NLGN1: variants seen among roughly 807,000 people sequenced by gnomAD.
The protein encoded by NLGN1 is neuroligin-1.
Under a neutral mutation model 65.5 loss-of-function variants are expected in NLGN1, and 12 were observed. The observed-to-expected ratio is 0.18, with a 90% CI of 0.12 to 0.30. The LOEUF (loss-of-function observed/expected upper bound fraction) is 0.30, where lower values mean the gene tolerates loss of function less well. Ranked by LOEUF, NLGN1 falls within the 10% of genes least tolerant of loss-of-function variation. The pLI is 1.00. For missense variants in NLGN1, 750 were observed against 1,007.1 expected (o/e 0.74, Z 3.46); for synonymous variants, 350 against 359.5 (o/e 0.97, Z 0.30).
At chr3:174,004,358 T>C (rs1233610314) in intron 4 of NLGN1, among the ~76,000 whole-genome samples, 2 of 152,194 alleles carry the variant, frequency 1.3e-5, no homozygotes, top group Non-Finnish European at 2.9e-5. Context: ...AGTTATCCGT[T>C]GTGTAGATTT....
intron 4 of NLGN1, among the ~76,000 whole-genome samples, chr3:173,845,706 G>A (rs913708291): frequency 6.6e-6 from 1 of 152,210 alleles, no homozygotes; most frequent in Admixed American, 6.5e-5. Context: ...GTTAAAGCTG[G>A]TAGGTTCTTA....
In NLGN1 at chr3:173,923,528, G is replaced by A. The variant is rs117064968; in HGVS notation, c.646+115696G>A. On this transcript the variant is annotated intron_variant, in intron 4 of 6. Coordinates refer to ENST00000457714, the Ensembl canonical transcript of NLGN1. ...TCTCTTCCTATAGTTTACTGATCCT[G>A]TGATTTAAAAATTGCTGGTGTGGGT... Among the ~76,000 whole-genome samples, 145 of 152,180 alleles carry A rather than the reference G, an allele frequency of 9.5e-4. 2 individuals carry two copies. In the East Asian group the frequency reaches 0.024, roughly 26 times the overall value.
rs186466304 is a variant in NLGN1, at chr3:173,401,284, G to A, written c.-390+2797G>A. On this transcript the variant is annotated intron_variant, in intron 1 of 6. Coordinates refer to ENST00000457714, the Ensembl canonical transcript of NLGN1. ...TCCAGACATTGCCAAATGTCTCTAA[G>A]AGGTCAGATTGTCCCAGGCTCAGAA... Among the ~76,000 whole-genome samples the A allele has an allele frequency of 6.1e-5, 9 of 146,650 alleles. No homozygotes were observed. In the East Asian group the frequency reaches 1.8e-3, roughly 30 times the overall value.
At chr3:173,436,715 A>G (rs1718206628) in intron 2 of NLGN1, among the ~76,000 whole-genome samples, 1 of 152,196 alleles carries the variant, frequency 6.6e-6, no homozygotes. Flanking sequence ...TTAAAAATCC[A>G]ACAAATGCAA....
intron 2 of NLGN1, among the ~76,000 whole-genome samples, chr3:173,489,190 T>A (rs977511394): frequency 6.6e-6 from 1 of 152,048 alleles, no homozygotes; most frequent in Non-Finnish European, 1.5e-5. Flanking sequence ...ACCAATTAAC[T>A]CATCATTTAC....
At chr3:173,970,147 A>T (rs1715875740) in intron 4 of NLGN1, among the ~76,000 whole-genome samples, 1 of 152,130 alleles carries the variant, frequency 6.6e-6, no homozygotes, top group Admixed American at 6.6e-5. Flanking sequence ...CCCAATGCAA[A>T]ACCATTTAAA....
chr3:173,760,522 C>CA lies in NLGN1; in HGVS notation c.494-47152dup, dbSNP rs1293291986. 2.0e-5 allele frequency among the ~76,000 whole-genome samples: 3 copies of CA among 151,694 alleles called. No individual in the cohort carries two copies. The East Asian group carries it at 5.8e-4, about 29-fold the overall frequency. On this transcript the variant is annotated intron_variant, in intron 3 of 6. Transcript: ENST00000457714. ...CTTGCGACAGTGAATGAAGTTAAAC[C>CA]AAAAAATTATATTTATGTAATCTCT...
At chr3:173,804,546 G>A (rs760002480) in intron 3 of NLGN1, among the ~76,000 whole-genome samples, 9 of 151,338 alleles carry the variant, frequency 5.9e-5, no homozygotes, top group Non-Finnish European at 1.0e-4. Flanking sequence ...ATTAGCAGAT[G>A]GTATTCAATG....
intron 3 of NLGN1, among the ~76,000 whole-genome samples, chr3:173,776,097 C>A (rs1194342667): frequency 6.6e-6 from 1 of 152,036 alleles, no homozygotes; most frequent in Non-Finnish European, 1.5e-5. Flanking sequence ...GGCAAAAATG[C>A]CCGACTAGTA....
At chr3:173,900,526 G>A (rs1737148619) in intron 4 of NLGN1, among the ~76,000 whole-genome samples, 1 of 152,000 alleles carries the variant, frequency 6.6e-6, no homozygotes, top group Non-Finnish European at 1.5e-5. Flanking sequence ...TTCTTATACA[G>A]TATTACTAAA....
At chr3:174,154,790 G>A (rs1395978360) in intron 4 of NLGN1, among the ~76,000 whole-genome samples, 1 of 149,364 alleles carries the variant, frequency 6.7e-6, no homozygotes, top group Admixed American at 6.7e-5. Flanking sequence ...TGTATTTATA[G>A]TATATATGTT....
intron 3 of NLGN1, among the ~76,000 whole-genome samples, chr3:173,760,862 CAG>C (rs1405723639): frequency 6.6e-6 from 1 of 151,974 alleles, no homozygotes; most frequent in Non-Finnish European, 1.5e-5. Context: ...TAATATGACA[CAG>C]CAACTAAAAT....
chr3:173,646,667 A>G (rs544990461), intron 3 of NLGN1, among the ~76,000 whole-genome samples: 29 of 152,314 alleles, frequency 1.9e-4, no homozygotes, highest in Admixed American at 1.7e-3. Flanking sequence ...ACCCTAAATC[A>G]ATGACTAAAA....
chr3:173,695,161 C>T (rs1766024982), intron 3 of NLGN1, among the ~76,000 whole-genome samples: 1 of 151,810 alleles, frequency 6.6e-6, no homozygotes, highest in African/African-American at 2.4e-5. Context: ...ATAAATACTT[C>T]ATTTAAAAAA....
At chr3:173,880,320 A>AG (rs1732968983) in intron 4 of NLGN1, among the ~76,000 whole-genome samples, 1 of 152,152 alleles carries the variant, frequency 6.6e-6, no homozygotes, top group South Asian at 2.1e-4. Context: ...AAAATGATGA[A>AG]GGTAGATGTT....
At chr3:173,543,267 A>G (rs1210399335) in intron 2 of NLGN1, among the ~76,000 whole-genome samples, 2 of 152,150 alleles carry the variant, frequency 1.3e-5, no homozygotes, top group Non-Finnish European at 2.9e-5. Flanking sequence ...ACTTTTGTCT[A>G]TTAGCATAGC....
At chr3:173,472,002 G>T (rs1046713694) in intron 2 of NLGN1, among the ~76,000 whole-genome samples, 9 of 152,122 alleles carry the variant, frequency 5.9e-5, no homozygotes, top group Non-Finnish European at 1.3e-4. Context: ...AGGTAGAAGT[G>T]CTGGGGTTAA....
chr3:174,241,094 T>C (rs1742718523), intron 4 of NLGN1, among the ~76,000 whole-genome samples: 1 of 152,174 alleles, frequency 6.6e-6, no homozygotes, highest in Non-Finnish European at 1.5e-5. Context: ...CAAAACTTAG[T>C]TTCAAGAGTT....
intron 2 of NLGN1, among the ~76,000 whole-genome samples, chr3:173,558,401 C>A (rs1168708995): frequency 6.6e-6 from 1 of 151,768 alleles, no homozygotes; most frequent in African/African-American, 2.4e-5. Context: ...CCTCATTTGC[C>A]CCCCCAACCC....
Sources: gnomAD v4.1 joint callset for allele counts (sites outside exome capture counted in the v4.1 genomes callset) on GRCh38, gnomAD v4.1.1 for gene constraint, MANE v1.5 for transcripts, NCBI Gene and HGNC (gene_info 2026-07-23, HGNC 2026-07-21) for gene names.